DNHD1: variants seen among roughly 807,000 people sequenced by gnomAD.
DNHD1 encodes dynein heavy chain domain 1, also known as dynein heavy chain domain-containing protein 1.
Under a neutral mutation model 458.1 loss-of-function variants are expected in DNHD1, and 383 were observed. The observed-to-expected ratio is 0.84, with a 90% CI of 0.77 to 0.91. DNHD1 has a LOEUF of 0.91. Among genes scored for constraint, DNHD1 ranks in the 40% least tolerant of loss-of-function variants. The pLI is 0.00. For synonymous variants in DNHD1, 2,203 were observed against 2,376.9 expected, an observed-to-expected ratio of 0.93 and a Z score of 2.13; for missense variants, 5,336 against 5,866.1, an observed-to-expected ratio of 0.91 and a Z score of 2.95.
rs762515987 is a variant in DNHD1 at position 6,570,291 on chromosome 11, GA to G, written c.13001del (p.Glu4334GlyfsTer3). ...TCCTCTGGGGGACACTGAGGACAGG[GA>G]GGCCCTGATTAGCCTCACACAAGCC... ...GGPLGDTEDR[E>X]ALISLTQACL... On this transcript the variant is annotated frameshift_variant, in exon 41 of 43. Coordinates refer to ENST00000254579, the MANE Select transcript of DNHD1 (RefSeq NM_144666.3). LOFTEE classifies it high-confidence loss of function. 2.5e-5 allele frequency: 40 copies of G among 1,613,732 alleles called. No homozygotes were observed. In the East Asian group the frequency reaches 8.2e-4, roughly 33 times the overall value.
In DNHD1 at chr11:6,545,333, G is replaced by C. The variant is rs937016958; in HGVS notation, c.4394G>C (p.Gly1465Ala). ...LRLALVHMLQ[G>A]CVAARLARGP... ...TTGGCACTGGTGCACATGCTGCAGG[G>C]CTGTGTGGCTGCTCGCCTTGCTCGA... Residue 1465 changes from glycine to alanine, a missense_variant, in exon 21 of 43, where the codon GGC becomes GCC. By Grantham distance (60) the Gly-to-Ala change is moderately conservative. Around this residue, in one of 4 missense-constraint regions of DNHD1, gnomAD observed 3,932 missense variants for 4,365.6 expected, o/e 0.90. Coordinates refer to ENST00000254579, the MANE Select transcript of DNHD1 (RefSeq NM_144666.3). This position sits in a 1 kb window ranked among gnomAD's most constrained non-coding sequence, Gnocchi z 4.9. 1 of 1,551,648 alleles carries C rather than the reference G, an allele frequency of 6.4e-7. No individual in the cohort carries two copies. The highest frequency in any genetic ancestry group is 1.4e-5 in the African/African-American group (1 of 73,062).
chr11:6,514,306 C>G (rs545433462), intron 7 of DNHD1, among the ~76,000 whole-genome samples: 16 of 152,124 alleles, frequency 1.1e-4, no homozygotes, highest in African/African-American at 3.4e-4. Context: ...GTTTCACCAT[C>G]TTGGCCAGGC....
Position 6,545,658 on chromosome 11 carries a change from C to T in DNHD1, c.4719C>T (p.Ala1573=). The stretch of plus-strand genomic sequence containing the variant: ...TCCGCCAGACCAGCCTTCTCAGTGC[C>T]CTGCTGGTCATGGCAGTGACTCACC... ...PSVRQTSLLS[A]LLVMAVTHRD... is the part of the protein sequence containing the mutation. Residue 1573 remains alanine, a synonymous_variant, in exon 21 of 43, where the codon GCC becomes GCT. Coordinates refer to ENST00000254579, the MANE Select transcript of DNHD1 (RefSeq NM_144666.3). This position sits in a 1 kb window ranked among gnomAD's most constrained non-coding sequence, Gnocchi z 4.9. The T allele has an allele frequency of 6.4e-7, 1 of 1,551,764 alleles. No homozygotes were observed. Among genetic ancestry groups the T allele is most frequent in the Non-Finnish European group, 8.7e-7 (1 of 1,147,020 alleles).
chr11:6,542,196 T>C (rs1853109924), intron 18 of DNHD1, among the ~76,000 whole-genome samples: 1 of 152,180 alleles, frequency 6.6e-6, no homozygotes, highest in South Asian at 2.1e-4. Flanking sequence ...TGAAAGGAGA[T>C]TGTCTTCCCA....
In DNHD1 at chr11:6,548,751, T is replaced by C. The variant is rs1853275258; in HGVS notation, c.7205T>C (p.Val2402Ala). Reference protein sequence around the residue: ...TGKSAFVEVLVEPHHPYIYSP... With the variant: ...TGKSAFVEVLAEPHHPYIYSP... ...AAGTCAGCCTTTGTGGAGGTGCTGG[T>C]AGAGCCACATCACCCTTACATATAC... Residue 2402 changes from valine to alanine, a missense_variant, in exon 24 of 43, where the codon GTA (valine) becomes GCA (alanine). Physicochemically the swap from Val to Ala is moderately conservative, Grantham distance 64. Coordinates refer to ENST00000254579, the MANE Select transcript of DNHD1 (RefSeq NM_144666.3). This position sits in a 1 kb window ranked among gnomAD's most constrained non-coding sequence, Gnocchi z 4.4. The C allele has an allele frequency of 6.4e-7, 1 of 1,551,492 alleles. No individual in the cohort carries two copies. The highest frequency in any genetic ancestry group is 1.2e-5 in the South Asian group (1 of 84,060).
chr11:6,544,292 G>A (rs1474789114), intron 19 of DNHD1, 46 bp downstream of exon 19: 1 of 1,549,824 alleles, frequency 6.5e-7, no homozygotes, highest in Admixed American at 2.0e-5. Flanking sequence ...ACCTGAGGCA[G>A]GATGTCCCAG....
chr11:6,564,866 A>G (rs1052371995), intron 32 of DNHD1, 62 bp downstream of exon 32: 19 of 1,336,240 alleles, frequency 1.4e-5, no homozygotes, highest in Non-Finnish European at 1.7e-5. Flanking sequence ...ACTCAGCCTC[A>G]TGTGGTCTTT....
rs1307780418 is a variant in DNHD1 at position 6,565,962 on chromosome 11, G to A, written c.11024G>A (p.Gly3675Asp). The part of the protein sequence containing the change: ...SVLSGADPEL[G>D]SQLQEAAACG... Reference sequence around the variant, plus strand: ...CTTTCAGGTGCTGACCCAGAGCTGGGTTCTCAGCTCCAGGAGGCAGCTGCT... The same window carrying A: ...CTTTCAGGTGCTGACCCAGAGCTGGATTCTCAGCTCCAGGAGGCAGCTGCT... Residue 3675 changes from glycine to aspartate, a missense_variant, in exon 33 of 43, where the codon GGT (glycine) becomes GAT (aspartate). Coordinates refer to ENST00000254579, the MANE Select transcript of DNHD1 (RefSeq NM_144666.3). 17 of 1,551,518 alleles carry A rather than the reference G, an allele frequency of 1.1e-5. No individual in the cohort carries two copies. In the East Asian group the frequency reaches 3.9e-4, roughly 36 times the overall value.
intron 7 of DNHD1, 109 bp from the exon 8 acceptor site, chr11:6,519,491 T>A (rs1852559293): frequency 8.0e-7 from 1 of 1,242,728 alleles, no homozygotes; most frequent in Admixed American, 2.1e-5. Context: ...CATATGTATA[T>A]CTAGGTTCTA....
At position 6,545,124 on chromosome 11, in the gene DNHD1, C is replaced by G. The variant is rs979094315; in HGVS notation, c.4185C>G (p.Ser1395Arg). The change falls in exon 21 of 43, where the codon AGC becomes AGG. Residue 1395 changes from serine (S) to arginine (R), a missense_variant. Coordinates refer to ENST00000254579, the MANE Select transcript of DNHD1 (RefSeq NM_144666.3). The surrounding 1 kb of genome is among the most constrained non-coding windows in gnomAD (Gnocchi z 4.9). ...GCTTTCCTCATGTGCATGCTGTGAG[C>G]TTCAGGTCTTGCCCAACTGGTGAGA... ...RRCFPHVHAVSFRSCPTGEKN... is the reference protein window; with the variant it reads ...RRCFPHVHAVRFRSCPTGEKN... 2 of 1,552,056 alleles carry G rather than the reference C, an allele frequency of 1.3e-6. No homozygotes were observed. Among genetic ancestry groups the G allele is most frequent in the Admixed American group, 2.0e-5 (1 of 50,996 alleles).
At chr11:6,569,249 C>T (rs1483723258) in intron 39 of DNHD1, among the ~76,000 whole-genome samples, 1 of 151,744 alleles carries the variant, frequency 6.6e-6, no homozygotes, top group African/African-American at 2.4e-5. Context: ...CTTTGGGAGG[C>T]GAGGCGGATG....
At position 6,544,684 on chromosome 11, in the gene DNHD1, G is replaced by A; in HGVS notation, c.3852+13G>A. The A allele has an allele frequency of 6.5e-7, 1 of 1,550,280 alleles. No individual in the cohort carries two copies. The highest frequency in any genetic ancestry group is 1.4e-5 in the African/African-American group (1 of 73,112). On this transcript the variant is annotated intron_variant, in intron 20 of 42. Transcript: ENST00000254579. ...TAATGCTGACCTGGTAGGGAAGGGGGTTGAGGCAGAGAGGGCAAGAAGGGT... is the reference window on the plus strand; with the variant it reads ...TAATGCTGACCTGGTAGGGAAGGGGATTGAGGCAGAGAGGGCAAGAAGGGT...
rs1355279899 is a variant in DNHD1 at position 6,540,021 on chromosome 11, A to C, written c.3566A>C (p.Gln1189Pro). Residue 1189 changes from glutamine to proline, a missense_variant, in exon 18 of 43, where the codon CAG becomes CCG. Gln to Pro is a moderately conservative substitution (Grantham distance 76). Around this residue, in one of 4 missense-constraint regions of DNHD1, gnomAD observed 3,932 missense variants for 4,365.6 expected, o/e 0.90. Transcript: ENST00000254579. ...CCAGCCTCAGAGCGCTCCAAGAGGC[A>C]GGTGCTCCGCAGCCCCCAATGGGAG... ...EPPASERSKR[Q>P]VLRSPQWEVV... 3.2e-6 allele frequency: 5 copies of C among 1,551,596 alleles called. No individual in the cohort carries two copies. The highest frequency in any genetic ancestry group is 4.4e-6 in the Non-Finnish European group (5 of 1,146,942).
In DNHD1 at chr11:6,497,986, G is replaced by GGTCT. The variant is rs1201953260; in HGVS notation, c.-228_-225dup. The GGTCT allele has an allele frequency of 1.7e-6, 1 of 597,190 alleles. No individual in the cohort carries two copies. Among genetic ancestry groups the GGTCT allele is most frequent in the Admixed American group, 3.0e-5 (1 of 32,966 alleles). The allele number at this position is 597,190 out of a possible 1,614,324, so 37.0% of individuals were successfully genotyped here. ...AGGGTCTCAGGAAAGGCTCTCTGCT[G>GGTCT]GTCTGGCTCTGCTCTGTAGCTCCAT... is the stretch of plus-strand genomic sequence containing the variant. On this transcript the variant is annotated 5_prime_UTR_variant, in exon 3 of 43. It removes the in-frame stop codon of an upstream open reading frame in the 5' UTR. Coordinates refer to ENST00000254579, the MANE Select transcript of DNHD1 (RefSeq NM_144666.3).
In DNHD1 at chr11:6,548,268, C is replaced by G; in HGVS notation, c.6964C>G (p.Pro2322Ala). 6 of 1,551,662 alleles carry G rather than the reference C, an allele frequency of 3.9e-6. No individual in the cohort carries two copies. Among genetic ancestry groups the G allele is most frequent in the Non-Finnish European group, 5.2e-6 (6 of 1,146,982 alleles). The change falls in exon 23 of 43, where the codon CCT becomes GCT. Residue 2322 changes from proline (P) to alanine (A), a missense_variant. By Grantham distance (27) the Pro-to-Ala change is conservative (BLOSUM62 -1). This residue lies in a region of DNHD1 where 3,932 missense variants were observed against 4,365.6 expected (regional missense o/e 0.90). Transcript: ENST00000254579. The surrounding 1 kb of genome is among the most constrained non-coding windows in gnomAD (Gnocchi z 4.4). The part of the protein sequence containing the change: ...RDSISRLSNY[P>A]EPPPSALVFD... Reference sequence around the variant, plus strand: ...TTCTATTAGTCGCCTCTCCAACTACCCTGAGCCACCACCCTCAGCCTTGGT... The same window carrying G: ...TTCTATTAGTCGCCTCTCCAACTACGCTGAGCCACCACCCTCAGCCTTGGT...
At chr11:6,530,945 T>G (rs1443963403) in intron 12 of DNHD1, among the ~76,000 whole-genome samples, 1 of 18,232 alleles carries the variant, frequency 5.5e-5, no homozygotes, top group East Asian at 3.2e-3. Context: ...GCACTGGATT[T>G]AGAACCCTGT....
In DNHD1 at chr11:6,511,437, GCT is replaced by G; in HGVS notation, c.1392+11_1392+12del. ...ACATCCATTCTTCGACTGGTAAGAGGCTCTTAGTTTATTGTGGACCTCTTCCC... is the reference window on the plus strand; with the variant it reads ...ACATCCATTCTTCGACTGGTAAGAGGCTTAGTTTATTGTGGACCTCTTCCC... On this transcript the variant is annotated intron_variant, in intron 7 of 42. Transcript: ENST00000254579. 1 of 1,613,442 alleles carries G rather than the reference GCT, an allele frequency of 6.2e-7. No homozygotes were observed. Among genetic ancestry groups the G allele is most frequent in the Non-Finnish European group, 8.5e-7 (1 of 1,179,576 alleles).
chr11:6,513,867 G>A lies in DNHD1; in HGVS notation c.1392+2438G>A, dbSNP rs751343924. Among the ~76,000 whole-genome samples, 7 of 150,882 alleles carry A rather than the reference G, an allele frequency of 4.6e-5. No homozygotes were observed. The East Asian group carries it at 1.2e-3, about 25-fold the overall frequency. On this transcript the variant is annotated intron_variant, in intron 7 of 42. Coordinates refer to ENST00000254579, the MANE Select transcript of DNHD1 (RefSeq NM_144666.3). ...TTTCATTCTTTTTTTTTTTTGAGAC[G>A]GAGTCTCATTCTGTCGCCCAGGCTG... is the stretch of plus-strand genomic sequence containing the variant.
rs763743788 is a variant in DNHD1, at chr11:6,564,765, G to T, written c.10717G>T (p.Glu3573Ter). The T allele has an allele frequency of 3.2e-6, 5 of 1,542,126 alleles. No individual in the cohort carries two copies. Among genetic ancestry groups the T allele is most frequent in the Non-Finnish European group, 4.4e-6 (5 of 1,140,062 alleles). The change falls in exon 32 of 43, where the codon GAG becomes TAG. Residue 3573 changes from glutamate to a stop codon, truncating the protein, a stop_gained. Coordinates refer to ENST00000254579, the MANE Select transcript of DNHD1 (RefSeq NM_144666.3). LOFTEE classifies it high-confidence loss of function. ...LIWLDPLPLE[E>*]NRSFAPALTE... Reference sequence around the variant, plus strand: ...CTGGTTGGACCCGCTGCCTCTGGAAGAGAATCGATCTTTTGCGCCAGCCCT... The same window carrying T: ...CTGGTTGGACCCGCTGCCTCTGGAATAGAATCGATCTTTTGCGCCAGCCCT...
Sources: allele counts gnomAD v4.1 joint callset (sites outside exome capture counted in the v4.1 genomes callset), GRCh38; gene constraint gnomAD v4.1.1; regional missense constraint gnomAD v4.1.1; non-coding constraint Gnocchi (gnomAD v3.1); transcripts MANE v1.5; gene names NCBI Gene and HGNC (gene_info 2026-07-23, HGNC 2026-07-21).